Variants in MOK observed in about 807,000 individuals in gnomAD.
The protein encoded by MOK is MAPK/MAK/MRK overlapping kinase.
In MOK, 59 loss-of-function variants were observed where a neutral mutation model predicts 54.2. The ratio of observed to expected loss-of-function variants is 1.09; its 90% confidence interval spans 0.88 to 1.35. The LOEUF (loss-of-function observed/expected upper bound fraction) is 1.35. Among genes scored for constraint, MOK ranks in the 40% most tolerant of loss-of-function variants. The probability of loss-of-function intolerance (pLI) is 0.00; values close to 1 mark genes in which losing one functional copy is unlikely to be tolerated. For synonymous variants in MOK, 210 were observed against 202.7 expected, an observed-to-expected ratio of 1.04 and a Z score of -0.31; for missense variants, 517 against 526.2, an observed-to-expected ratio of 0.98 and a Z score of 0.17.
At chr14:102,254,373 A>G (rs1332629670) in intron 4 of MOK, among the ~76,000 whole-genome samples, 3 of 152,250 alleles carry the variant, frequency 2.0e-5, no homozygotes, top group Non-Finnish European at 4.4e-5. Flanking sequence ...AATCAAAAGA[A>G]TCAAAAGTAA....
intron 2 of MOK, among the ~76,000 whole-genome samples, chr14:102,266,478 A>G (rs569568195): frequency 6.6e-6 from 1 of 151,986 alleles, no homozygotes; most frequent in African/African-American, 2.4e-5. Context: ...TCAAACTCCC[A>G]GGCTCAAATG....
chr14:102,218,145 C>T, the MOK span, among the ~76,000 whole-genome samples: 2 of 152,332 alleles, frequency 1.3e-5, no homozygotes, highest in East Asian at 3.9e-4. Flanking sequence ...CGCGTGCCTG[C>T]CATGAAACGG....
chr14:102,257,020 C>T lies in MOK; in HGVS notation c.284-5025G>A, dbSNP rs1180164462. ...GGCGGGCAAAGGGCCTTCGCCATCCCTTCCCCAGGCTCCCACACCACTCTT... is the reference window on the plus strand; with the variant it reads ...GGCGGGCAAAGGGCCTTCGCCATCCTTTCCCCAGGCTCCCACACCACTCTT... On this transcript the variant is annotated intron_variant, in intron 4 of 11. Transcript: ENST00000361847. Among the ~76,000 whole-genome samples the T allele has an allele frequency of 4.0e-5, 6 of 151,856 alleles. No homozygotes were observed. In the Middle Eastern group the frequency reaches 0.017, roughly 430 times the overall value.
At chr14:102,273,712 G>A (rs1249448791) in intron 2 of MOK, among the ~76,000 whole-genome samples, 4 of 152,012 alleles carry the variant, frequency 2.6e-5, no homozygotes, top group East Asian at 1.9e-4. Flanking sequence ...CTGTGAACCC[G>A]GAAGGCAGAG....
intron 2 of MOK, among the ~76,000 whole-genome samples, chr14:102,271,581 C>G (rs748477093): frequency 6.6e-6 from 1 of 151,936 alleles, no homozygotes; most frequent in Non-Finnish European, 1.5e-5. Context: ...TTTTTTAAGA[C>G]AGATTCTCGC....
At chr14:102,233,941 G>A (rs1454054426) in intron 7 of MOK, 152 bp from the exon 8 acceptor site, 2 of 611,686 alleles carry the variant, frequency 3.3e-6, no homozygotes, top group Non-Finnish European at 5.9e-6. Flanking sequence ...TGTTCATCTA[G>A]CTGCTACCGT....
At chr14:102,252,369 C>T (rs905298315) in intron 4 of MOK, among the ~76,000 whole-genome samples, 6 of 151,768 alleles carry the variant, frequency 4.0e-5, no homozygotes, top group Non-Finnish European at 7.4e-5. Flanking sequence ...GCTGGAGAAT[C>T]GCTTGAACCC....
downstream of MOK, among the ~76,000 whole-genome samples, chr14:102,227,992 C>T (rs188751466): frequency 9.8e-5 from 15 of 152,308 alleles, no homozygotes; most frequent in East Asian, 2.7e-3. Flanking sequence ...GAAAGAAGAC[C>T]CAATTACTAA....
At chr14:102,250,296 G>A (rs914696718) in intron 7 of MOK, among the ~76,000 whole-genome samples, 3 of 152,112 alleles carry the variant, frequency 2.0e-5, no homozygotes, top group Non-Finnish European at 4.4e-5. Flanking sequence ...CATTCACCTC[G>A]GAGTGGGACC....
downstream of MOK, chr14:102,223,067 GT>G (rs2064101463): frequency 5.1e-6 from 3 of 584,508 alleles, no homozygotes; most frequent in South Asian, 7.1e-5. Flanking sequence ...ACCCAAAGAA[GT>G]TGTTTCCATT....
At chr14:102,263,374 GAGT>G (rs1400042544) in intron 4 of MOK, among the ~76,000 whole-genome samples, 169 bp downstream of exon 4, 1 of 152,248 alleles carries the variant, frequency 6.6e-6, no homozygotes, top group Non-Finnish European at 1.5e-5. Flanking sequence ...GCCATGTTCT[GAGT>G]AGATGAGCAG....
chr14:102,248,067 C>G (rs543374780), intron 7 of MOK, among the ~76,000 whole-genome samples: 1 of 152,334 alleles, frequency 6.6e-6, no homozygotes, highest in Admixed American at 6.5e-5. Flanking sequence ...TACTGTCCAG[C>G]CTTCCCCCAT....
chr14:102,258,724 C>T (rs2067163535), intron 4 of MOK, among the ~76,000 whole-genome samples: 1 of 152,208 alleles, frequency 6.6e-6, no homozygotes, highest in Admixed American at 6.5e-5. Flanking sequence ...CCAGCAATTC[C>T]TTTTCTCTTA....
chr14:102,229,324 G>C lies in MOK; in HGVS notation c.1225C>G (p.Arg409Gly). The C allele has an allele frequency of 1.2e-6, 2 of 1,613,466 alleles. No individual in the cohort carries two copies. The highest frequency in any genetic ancestry group is 1.3e-5 in the African/African-American group (1 of 75,066). The change falls in exon 12 of 12, where the codon CGC becomes GGC. Residue 409 changes from arginine (R) to glycine (G), a missense_variant. Coordinates refer to ENST00000361847, the MANE Select transcript of MOK (RefSeq NM_014226.3). ...KDLKPAPQQC[R>G]LPTIVRKGGR ...CCTTTCCGCACTATGGTGGGCAGGC[G>C]ACACTGCTGCGGGGCAGGCTTAAGG...
chr14:102,229,724 A>G (rs1054660395), intron 10 of MOK, 67 bp from the exon 11 acceptor site: 2 of 1,394,530 alleles, frequency 1.4e-6, no homozygotes, highest in African/African-American at 2.9e-5. Flanking sequence ...AGGAAAAACG[A>G]AAGAGGCTCT....
chr14:102,222,913 G>A (rs369661256), downstream of MOK: 23 of 1,613,518 alleles, frequency 1.4e-5, no homozygotes, highest in African/African-American at 9.3e-5. This position sits in a 1 kb window ranked among gnomAD's most constrained non-coding sequence, Gnocchi z 4.4. Context: ...ACAGTCTCCC[G>A]GGACTTGGAC....
Position 102,246,841 on chromosome 14 carries a change from C to T in MOK, c.590+3971G>A, listed in dbSNP as rs533573255. Among the ~76,000 whole-genome samples the T allele has an allele frequency of 2.0e-5, 3 of 152,256 alleles. No homozygotes were observed. The East Asian group carries it at 5.8e-4, about 29-fold the overall frequency. ...AGCACCACTGTGCGCCAGCGACATCCACCCTCAAGCATTCCCCTCAGCCAC... is the reference window on the plus strand; with the variant it reads ...AGCACCACTGTGCGCCAGCGACATCTACCCTCAAGCATTCCCCTCAGCCAC... On this transcript the variant is annotated intron_variant, in intron 7 of 11. Coordinates refer to ENST00000361847, the MANE Select transcript of MOK (RefSeq NM_014226.3).
At chr14:102,266,924 C>A (rs1042521714) in intron 2 of MOK, among the ~76,000 whole-genome samples, 2 of 152,204 alleles carry the variant, frequency 1.3e-5, no homozygotes, top group Admixed American at 6.5e-5. Flanking sequence ...ATTCTCTTGG[C>A]AGGTGTGCCT....
chr14:102,216,542 C>T, the MOK span, among the ~76,000 whole-genome samples: 222 of 152,304 alleles, frequency 1.5e-3, 2 homozygotes, highest in African/African-American at 5.1e-3. Flanking sequence ...GCCCTAAAGA[C>T]TATTAAGTTG....
Sources: allele counts gnomAD v4.1 joint callset (sites outside exome capture counted in the v4.1 genomes callset), GRCh38; gene constraint gnomAD v4.1.1; non-coding constraint Gnocchi (gnomAD v3.1); transcripts MANE v1.5; gene names NCBI Gene and HGNC (gene_info 2026-07-23, HGNC 2026-07-21).